Variants in PLXNA4 observed in about 807,000 individuals in gnomAD.
PLXNA4 encodes the protein plexin A4.
A neutral mutation model predicts 191.8 loss-of-function variants in PLXNA4; 44 were observed. That is an observed-to-expected ratio of 0.23 (90% confidence interval 0.18 to 0.29). PLXNA4 has a LOEUF of 0.29. Ranked by LOEUF, PLXNA4 falls within the 10% of genes least tolerant of loss-of-function variation. The probability of loss-of-function intolerance (pLI) is 1.00; values close to 1 mark genes in which losing one functional copy is unlikely to be tolerated. For synonymous variants in PLXNA4, 1,082 were observed against 1,009.5 expected, an observed-to-expected ratio of 1.07 and a Z score of -1.36; for missense variants, 1,800 against 2,488.8, an observed-to-expected ratio of 0.72 and a Z score of 5.89.
rs1446114635 is a variant in PLXNA4 at position 132,170,793 on chromosome 7, G to T, written c.4018-2221C>A. Among the ~76,000 whole-genome samples, 2 of 152,238 alleles carry T rather than the reference G, an allele frequency of 1.3e-5. 1 individual carries two copies. Among genetic ancestry groups the T allele is most frequent in the South Asian group, 4.1e-4 (2 of 4,836 alleles). On this transcript the variant is annotated intron_variant, in intron 21 of 31. Coordinates refer to ENST00000321063, the MANE Select transcript of PLXNA4 (RefSeq NM_020911.2). Reference sequence around the variant, plus strand: ...AGCCCGTCATCAGTAGCTCCTATGGGTCTGGAAGCTGTAGGAAACGTGTGT... The same window carrying T: ...AGCCCGTCATCAGTAGCTCCTATGGTTCTGGAAGCTGTAGGAAACGTGTGT...
Position 132,492,087 on chromosome 7 carries a change from G to T in PLXNA4, c.1189-2613C>A, listed in dbSNP as rs576751621. Among the ~76,000 whole-genome samples the T allele has an allele frequency of 3.9e-5, 6 of 152,250 alleles. No individual in the cohort carries two copies. The East Asian group carries it at 1.2e-3, about 29-fold the overall frequency. Reference sequence around the variant, plus strand: ...CTGTGCTGCAGGGACCTCTGGCGTCGCAAACTCTGTACATCACCCATTATG... The same window carrying T: ...CTGTGCTGCAGGGACCTCTGGCGTCTCAAACTCTGTACATCACCCATTATG... On this transcript the variant is annotated intron_variant, in intron 2 of 31. Coordinates refer to ENST00000321063, the MANE Select transcript of PLXNA4 (RefSeq NM_020911.2).
At chr7:132,436,647 T>C (rs1237656292) in intron 3 of PLXNA4, among the ~76,000 whole-genome samples, 2 of 152,178 alleles carry the variant, frequency 1.3e-5, no homozygotes, top group Non-Finnish European at 2.9e-5. Context: ...AGTTGCTACA[T>C]GGAAAATCAG....
intron 25 of PLXNA4, among the ~76,000 whole-genome samples, chr7:132,152,939 T>C (rs1374845982): frequency 6.6e-6 from 1 of 152,200 alleles, no homozygotes; most frequent in Non-Finnish European, 1.5e-5. Context: ...CGCTCACTCA[T>C]TCATCAAAGA....
intron 2 of PLXNA4, among the ~76,000 whole-genome samples, chr7:132,621,789 T>A (rs1803273568): frequency 6.6e-6 from 1 of 152,230 alleles, no homozygotes; most frequent in Non-Finnish European, 1.5e-5. Flanking sequence ...ACCTCTGCCA[T>A]CATCATCAAA....
intron 3 of PLXNA4, among the ~76,000 whole-genome samples, chr7:132,365,358 T>TGTGTGCGCGC (rs377067193): frequency 1.5e-5 from 2 of 133,594 alleles, no homozygotes; most frequent in African/African-American, 6.9e-5. Flanking sequence ...TGTGTGTGTG[T>TGTGTGCGCGC]GTGCGTGCGC....
chr7:132,588,043 A>G (rs1472521342), intron 2 of PLXNA4, among the ~76,000 whole-genome samples: 1 of 150,260 alleles, frequency 6.7e-6, no homozygotes, highest in African/African-American at 2.5e-5. Flanking sequence ...GACCCTTTCC[A>G]TTTCTCTCTT....
rs1295969174 is a variant in PLXNA4 at position 132,126,672 on chromosome 7, C to A, written c.*3807G>T. The A allele has an allele frequency of 1.3e-5, 2 of 151,734 alleles. No individual in the cohort carries two copies. The highest frequency in any genetic ancestry group is 3.0e-5 in the Non-Finnish European group (2 of 67,748). The allele number at this position is 151,734 out of a possible 1,614,324, so 9.4% of individuals were successfully genotyped here. A position where few individuals can be genotyped will look rare whatever the true frequency, so the allele number is the denominator to read the frequency against. ...GGGAACAGTCCTGGACAGTCTGCCTCAAACTTTGGGATTTATTTAAAATAA... is the reference window on the plus strand; with the variant it reads ...GGGAACAGTCCTGGACAGTCTGCCTAAAACTTTGGGATTTATTTAAAATAA... On this transcript the variant is annotated 3_prime_UTR_variant, in exon 32 of 32. Transcript: ENST00000321063.
At chr7:132,139,235 A>T (rs1055537153) in intron 30 of PLXNA4, among the ~76,000 whole-genome samples, 1 of 152,190 alleles carries the variant, frequency 6.6e-6, no homozygotes, top group Non-Finnish European at 1.5e-5. Context: ...GGAGAGGGAA[A>T]AACAAAATCA....
chr7:132,363,267 G>A (rs1180011686), intron 3 of PLXNA4, among the ~76,000 whole-genome samples: 1 of 152,174 alleles, frequency 6.6e-6, no homozygotes, highest in African/African-American at 2.4e-5. Flanking sequence ...TTACAGGCAT[G>A]AGCCACCGCA....
intron 3 of PLXNA4, chr7:132,485,105 A>ATGGT (rs1433102397): frequency 1.3e-6 from 2 of 1,546,728 alleles, no homozygotes; most frequent in East Asian, 4.7e-5. Flanking sequence ...CCCAATAAGA[A>ATGGT]TGGTTTTTGT....
chr7:132,401,520 C>G (rs1387296029), intron 3 of PLXNA4, among the ~76,000 whole-genome samples: 2 of 152,194 alleles, frequency 1.3e-5, no homozygotes, highest in Non-Finnish European at 2.9e-5. Flanking sequence ...TTCATGAATA[C>G]TTGTGGAGCA....
At chr7:132,139,089 G>T (rs1289830512) in intron 30 of PLXNA4, among the ~76,000 whole-genome samples, 1 of 152,224 alleles carries the variant, frequency 6.6e-6, no homozygotes, top group East Asian at 1.9e-4. Context: ...CATAGCAGGA[G>T]GTGAGAGCCT....
intron 5 of PLXNA4, among the ~76,000 whole-genome samples, chr7:132,237,364 C>T (rs1286780561): frequency 2.0e-5 from 3 of 152,106 alleles, no homozygotes; most frequent in South Asian, 2.1e-4. Flanking sequence ...AGGATGTATT[C>T]GAGTTTAAGA....
intron 3 of PLXNA4, among the ~76,000 whole-genome samples, chr7:132,434,804 G>T (rs1795406007): frequency 1.3e-5 from 2 of 152,256 alleles, no homozygotes; most frequent in South Asian, 4.2e-4. Context: ...AGCCTTGACG[G>T]GTACAGATGT....
At chr7:132,566,643 T>C (rs551345540) in intron 1 of PLXNA4, among the ~76,000 whole-genome samples, 1 of 152,334 alleles carries the variant, frequency 6.6e-6, no homozygotes, top group African/African-American at 2.4e-5. Flanking sequence ...TGAATGTCAT[T>C]ACTCACATAT....
intron 3 of PLXNA4, among the ~76,000 whole-genome samples, chr7:132,440,725 A>G (rs1356211662): frequency 6.6e-6 from 1 of 152,188 alleles, no homozygotes; most frequent in Admixed American, 6.5e-5. Flanking sequence ...TATTTGTGAA[A>G]AGAGTCAACC....
At chr7:132,323,295 T>A (rs1457298468) in intron 3 of PLXNA4, among the ~76,000 whole-genome samples, 1 of 152,224 alleles carries the variant, frequency 6.6e-6, no homozygotes, top group Non-Finnish European at 1.5e-5. Context: ...TTGAGAGACA[T>A]GGGTGTGTTG....
Position 132,352,523 on chromosome 7 carries a change from C to T in PLXNA4, c.1372-54301G>A, listed in dbSNP as rs893873686. 4 of 152,224 alleles carry T rather than the reference C, an allele frequency of 2.6e-5. No individual in the cohort carries two copies. The East Asian group carries it at 5.8e-4, about 22-fold the overall frequency. The allele number at this position is 152,224 out of a possible 1,614,324, so 9.4% of individuals were successfully genotyped here. ...ACTTGGGGTTGGAAGCAGAGTTTAC[C>T]TTGACCTTTGAATCTCCTCCCATCC... On this transcript the variant is annotated intron_variant, in intron 3 of 31. Coordinates refer to ENST00000321063, the MANE Select transcript of PLXNA4 (RefSeq NM_020911.2).
intron 31 of PLXNA4, 131 bp from the exon 32 acceptor site, chr7:132,130,705 C>T: frequency 7.3e-7 from 1 of 1,373,922 alleles, no homozygotes; most frequent in Non-Finnish European, 1.0e-6. Context: ...GCACACAGGA[C>T]ACTGCGGGGT....
Sources: allele counts gnomAD v4.1 joint callset (sites outside exome capture counted in the v4.1 genomes callset), GRCh38; gene constraint gnomAD v4.1.1; transcripts MANE v1.5; gene names NCBI Gene and HGNC (gene_info 2026-07-23, HGNC 2026-07-21).